The following PFN2 variants were observed in gnomAD, a reference collection of about 807,000 sequenced individuals.
PFN2 encodes profilin-2.
A neutral mutation model predicts 15.3 loss-of-function variants in PFN2; 8 were observed. The observed-to-expected ratio is 0.52, with a 90% CI of 0.31 to 0.95. The LOEUF is 0.95. Ranked by LOEUF, PFN2 falls within the 40% of genes least tolerant of loss-of-function variation. The probability of loss-of-function intolerance (pLI) is 0.05; values close to 1 mark genes in which losing one functional copy is unlikely to be tolerated. For missense variants in PFN2, 111 were observed against 182.3 expected (o/e 0.61, Z 2.25); for synonymous variants, 79 against 67.9 (o/e 1.16, Z -0.81).
chr3:149,969,261 C>T (rs1208559815), intron 1 of PFN2, among the ~76,000 whole-genome samples: 1 of 151,944 alleles, frequency 6.6e-6, no homozygotes, highest in Non-Finnish European at 1.5e-5. Context: ...AATAGTAAAA[C>T]AGAAAAAATG....
Position 149,969,568 on chromosome 3 carries a change from G to A in PFN2, c.133-1018C>T, listed in dbSNP as rs1318108828. Among the ~76,000 whole-genome samples the A allele has an allele frequency of 3.3e-5, 5 of 152,216 alleles. No homozygotes were observed. In the East Asian group the frequency reaches 9.6e-4, roughly 29 times the overall value. On this transcript the variant is annotated intron_variant, in intron 1 of 2. Transcript: ENST00000239940. ...TTAAAGTACTACTATCAAGGACTGA[G>A]TTCTAAAGTTAGACTTTAAACCATG...
At position 149,966,300 on chromosome 3, in the gene PFN2, GAATT is replaced by G. The variant is rs1157533133; in HGVS notation, c.*185_*188del. ...CAAGGAAACAAAACAAAAGTGAACAGAATTATTTTGGGGGGGGAGGGCAGAAAGA... is the reference window on the plus strand; with the variant it reads ...CAAGGAAACAAAACAAAAGTGAACAGATTTTGGGGGGGGAGGGCAGAAAGA... On this transcript the variant is annotated 3_prime_UTR_variant, in exon 3 of 3. Coordinates refer to ENST00000239940, the MANE Select transcript of PFN2 (RefSeq NM_053024.4). 6.2e-7 allele frequency: 1 copy of G among 1,608,312 alleles called. No individual in the cohort carries two copies. Among genetic ancestry groups the G allele is most frequent in the Non-Finnish European group, 8.5e-7 (1 of 1,177,794 alleles).
intron 2 of PFN2, 55 bp downstream of exon 2, chr3:149,968,303 G>A: frequency 6.7e-7 from 1 of 1,490,046 alleles, no homozygotes; most frequent in Non-Finnish European, 9.3e-7. Flanking sequence ...AAAAGAAACT[G>A]CTTAATAAGT....
Position 149,965,593 on chromosome 3 carries a change from A to G in PFN2, c.*896T>C. 8.4e-7 allele frequency: 1 copy of G among 1,197,162 alleles called. No homozygotes were observed. Among genetic ancestry groups the G allele is most frequent in the Non-Finnish European group, 1.0e-6 (1 of 964,674 alleles). The allele number at this position is 1,197,162 out of a possible 1,614,324, so 74.2% of individuals were successfully genotyped here. On this transcript the variant is annotated 3_prime_UTR_variant, in exon 3 of 3. Transcript: ENST00000239940. ...GCTCAAGTGCAACAACAATACTAAA[A>G]GCAAACTACTGCAGCTCTCAATAGC... is the stretch of plus-strand genomic sequence containing the variant.
rs954461004 is a variant in PFN2, at chr3:149,965,790, A to G, written c.*699T>C. The G allele has an allele frequency of 5.6e-6, 6 of 1,063,546 alleles. No individual in the cohort carries two copies. Among genetic ancestry groups the G allele is most frequent in the Non-Finnish European group, 6.8e-6 (6 of 879,842 alleles). The allele number at this position is 1,063,546 out of a possible 1,614,324, so 65.9% of individuals were successfully genotyped here. A position where few individuals can be genotyped will look rare whatever the true frequency, so the allele number is the denominator to read the frequency against. ...AACCATGCGCTACAAAAGGAAGACT[A>G]AATGAGCCAAGTAAATGCTCAAAGT... On this transcript the variant is annotated 3_prime_UTR_variant, in exon 3 of 3. Coordinates refer to ENST00000239940, the MANE Select transcript of PFN2 (RefSeq NM_053024.4).
Position 149,966,602 on chromosome 3 carries a change from G to C in PFN2, c.326-16C>G. ...AAGACCAAGACTGAAAGAGAAAGAA[G>C]AAAAGTGTTTCAAAAGAAGTGTTAA... On this transcript the variant is annotated splice_polypyrimidine_tract_variant and intron_variant, in intron 2 of 2. Transcript: ENST00000239940. The C allele has an allele frequency of 6.3e-7, 1 of 1,581,308 alleles. No homozygotes were observed. The highest frequency in any genetic ancestry group is 8.7e-7 in the Non-Finnish European group (1 of 1,153,256).
intron 2 of PFN2, 134 bp downstream of exon 2, chr3:149,968,224 C>G: frequency 1.4e-6 from 1 of 709,538 alleles, no homozygotes; most frequent in Non-Finnish European, 2.4e-6. Context: ...CAGTGCTTCT[C>G]CATAGTGCTG....
intron 1 of PFN2, 81 bp downstream of exon 1, chr3:149,970,644 A>G (rs1412085411): frequency 2.9e-6 from 4 of 1,369,602 alleles, no homozygotes; most frequent in Admixed American, 2.7e-5. Context: ...TCAGTGTTCC[A>G]GCCCCGCGCT....
chr3:149,970,671 C>T, intron 1 of PFN2, 54 bp downstream of exon 1: 1 of 1,442,840 alleles, frequency 6.9e-7, no homozygotes, highest in Non-Finnish European at 9.2e-7. Context: ...CCCCCGCGGC[C>T]GGCCACCCCG....
At position 149,970,889 on chromosome 3, in the gene PFN2, G is replaced by A. The variant is rs980662571; in HGVS notation, c.-33C>T. The A allele has an allele frequency of 7.6e-6, 10 of 1,307,518 alleles. No individual in the cohort carries two copies. The highest frequency in any genetic ancestry group is 2.1e-4 in the Middle Eastern group (1 of 4,810). 81.0% of individuals were successfully genotyped at this position (1,307,518 alleles called of 1,614,324 possible). A position where few individuals can be genotyped will look rare whatever the true frequency, so the allele number is the denominator to read the frequency against. On this transcript the variant is annotated 5_prime_UTR_variant, in exon 1 of 3. Coordinates refer to ENST00000239940, the MANE Select transcript of PFN2 (RefSeq NM_053024.4). ...CCCTTCGCACTGCAGCGCGGACGGC[G>A]AGGAGCAGCAGGCGCAGCGGCGGCG...
At chr3:149,970,496 C>G in intron 1 of PFN2, 1 of 333,296 alleles carries the variant, frequency 3.0e-6, no homozygotes, top group Non-Finnish European at 5.3e-6. Flanking sequence ...CGGCCAGGGC[C>G]AGCAAGGAGT....
chr3:149,966,230 G>C lies in PFN2; in HGVS notation c.*259C>G, dbSNP rs781721338. The C allele has an allele frequency of 1.2e-5, 20 of 1,613,430 alleles. No individual in the cohort carries two copies. The East Asian group carries it at 4.5e-4, about 36-fold the overall frequency. On this transcript the variant is annotated 3_prime_UTR_variant, in exon 3 of 3. Transcript: ENST00000239940. ...ATGCTTTCTTGTTAAGTGTGCCTCC[G>C]TGGACACCTTCCTTTCCCATGACTA... is the stretch of plus-strand genomic sequence containing the variant.
intron 2 of PFN2, 162 bp downstream of exon 2, chr3:149,968,196 G>A (rs1008942263): frequency 1.3e-5 from 8 of 613,894 alleles, no homozygotes; most frequent in Admixed American, 2.7e-5. Context: ...AGATGCTGTA[G>A]AGTAGGTAAA....
intron 2 of PFN2, 57 bp from the exon 3 acceptor site, chr3:149,966,643 A>G: frequency 5.4e-6 from 7 of 1,294,126 alleles, no homozygotes; most frequent in Non-Finnish European, 7.8e-6. Flanking sequence ...AAAGTCACAT[A>G]AGTTTTAGCA....
At position 149,970,735 on chromosome 3, in the gene PFN2, T is replaced by C; in HGVS notation, c.122A>G (p.Gln41Arg). 1 of 1,520,670 alleles carries C rather than the reference T, an allele frequency of 6.6e-7. No individual in the cohort carries two copies. The highest frequency in any genetic ancestry group is 8.8e-7 in the Non-Finnish European group (1 of 1,130,804). The allele number at this position is 1,520,670 out of a possible 1,614,324, so 94.2% of individuals were successfully genotyped here. The change falls in exon 1 of 3, where the codon CAG (glutamine) becomes CGG (arginine). Residue 41 changes from glutamine (Q) to arginine (R), a missense_variant. Gln to Arg is a conservative substitution (Grantham distance 43). This residue lies in a region of PFN2 where 64 missense variants were observed against 69.7 expected (regional missense o/e 0.92). Transcript: ENST00000239940. ...VWAATAGGVF[Q>R]SITPIEIDMI... ...GCCACTGGTCCTCACCGTAATGCTC[T>C]GAAAGACGCCCCCGGCCGTGGCTGC... is the stretch of plus-strand genomic sequence containing the variant.
chr3:149,969,173 C>A (rs1270638816), intron 1 of PFN2, among the ~76,000 whole-genome samples: 1 of 152,162 alleles, frequency 6.6e-6, no homozygotes, highest in Non-Finnish European at 1.5e-5. Context: ...TCCAACTTCC[C>A]TTCCCCTCCC....
In PFN2 at chr3:149,965,662, C is replaced by T; in HGVS notation, c.*827G>A. On this transcript the variant is annotated 3_prime_UTR_variant, in exon 3 of 3. Transcript: ENST00000239940. ...TTAATTGGTTAAAAAAAAACAGGCACTGCATAAAAAAAGATGGAAGCAAAC... is the reference window on the plus strand; with the variant it reads ...TTAATTGGTTAAAAAAAAACAGGCATTGCATAAAAAAAGATGGAAGCAAAC... The T allele has an allele frequency of 3.1e-6, 3 of 981,260 alleles. No individual in the cohort carries two copies. The highest frequency in any genetic ancestry group is 2.4e-6 in the Non-Finnish European group (2 of 836,856). The allele number at this position is 981,260 out of a possible 1,614,324, so 60.8% of individuals were successfully genotyped here.
chr3:149,970,621 G>A, intron 1 of PFN2, 104 bp downstream of exon 1: 15 of 1,191,170 alleles, frequency 1.3e-5, no homozygotes, highest in Non-Finnish European at 1.6e-5. Flanking sequence ...TAGCACACCT[G>A]CGGGCTCGGC....
intron 1 of PFN2, among the ~76,000 whole-genome samples, chr3:149,969,238 C>G (rs36122813): frequency 0.031 from 4,687 of 152,262 alleles, 94 homozygotes; most frequent in Non-Finnish European, 0.042. Flanking sequence ...CTGTCTACAG[C>G]ACTGCGGTAG....
Sources: allele counts gnomAD v4.1 joint callset (sites outside exome capture counted in the v4.1 genomes callset), GRCh38; gene constraint gnomAD v4.1.1; regional missense constraint gnomAD v4.1.1; transcripts MANE v1.5; gene names NCBI Gene and HGNC (gene_info 2026-07-23, HGNC 2026-07-21).